Variants in SETBP1 observed in about 807,000 individuals in gnomAD.
SETBP1 encodes SET-binding protein.
In SETBP1, 9 loss-of-function variants were observed where a neutral mutation model predicts 101.0. The ratio of observed to expected loss-of-function variants is 0.09; its 90% CI spans 0.05 to 0.16. The LOEUF is 0.16. Among genes scored for constraint, SETBP1 ranks in the 10% least tolerant of loss-of-function variants. The pLI, the probability that SETBP1 is intolerant of heterozygous loss-of-function variation, is 1.00. For synonymous variants in SETBP1, 818 were observed against 788.5 expected (o/e 1.04, Z -0.63); for missense variants, 1,858 against 2,033.8 (o/e 0.91, Z 1.66).
intron 2 of SETBP1, among the ~76,000 whole-genome samples, chr18:44,802,385 G>A (rs942506608): frequency 6.6e-6 from 1 of 152,146 alleles, no homozygotes; most frequent in South Asian, 2.1e-4. Context: ...TCAAGGCACA[G>A]GATTGGGGAC....
At chr18:45,035,396 C>T (rs976500693) in intron 4 of SETBP1, among the ~76,000 whole-genome samples, 3 of 152,064 alleles carry the variant, frequency 2.0e-5, no homozygotes, top group African/African-American at 7.2e-5. Context: ...CTAATAGTGA[C>T]CATCTAAATT....
At chr18:44,775,503 T>C (rs1018095018) in intron 2 of SETBP1, among the ~76,000 whole-genome samples, 2 of 152,202 alleles carry the variant, frequency 1.3e-5, no homozygotes, top group African/African-American at 4.8e-5. Context: ...TTTTTCTTTT[T>C]CTTTTTCCCT....
At chr18:44,821,531 C>T (rs2072114145) in intron 2 of SETBP1, among the ~76,000 whole-genome samples, 1 of 152,198 alleles carries the variant, frequency 6.6e-6, no homozygotes, top group Non-Finnish European at 1.5e-5. Flanking sequence ...ATGGCTGGAC[C>T]CATGCCTCTT....
At chr18:44,753,475 T>C (rs1348859864) in intron 2 of SETBP1, among the ~76,000 whole-genome samples, 1 of 152,258 alleles carries the variant, frequency 6.6e-6, no homozygotes, top group Non-Finnish European at 1.5e-5. Context: ...TTTGACAGAC[T>C]TGTGTATTAG....
chr18:45,042,859 G>T (rs2073536964), intron 5 of SETBP1, among the ~76,000 whole-genome samples: 1 of 152,144 alleles, frequency 6.6e-6, no homozygotes, highest in Admixed American at 6.5e-5. Context: ...GCTGCCGGAG[G>T]TGCTCAAACA....
intron 4 of SETBP1, among the ~76,000 whole-genome samples, chr18:45,010,365 A>T (rs1271894368): frequency 6.6e-6 from 1 of 152,204 alleles, no homozygotes; most frequent in Non-Finnish European, 1.5e-5. Context: ...GGAAATTCCT[A>T]AAAGCTGATA....
chr18:45,043,419 T>C (rs2073550422), intron 5 of SETBP1, among the ~76,000 whole-genome samples: 1 of 149,098 alleles, frequency 6.7e-6, no homozygotes, highest in African/African-American at 2.5e-5. Flanking sequence ...ACCAACATTC[T>C]CTCATCTTAA....
At chr18:44,839,760 A>C (rs1380199233) in intron 2 of SETBP1, among the ~76,000 whole-genome samples, 1 of 152,218 alleles carries the variant, frequency 6.6e-6, no homozygotes, top group Non-Finnish European at 1.5e-5. Context: ...TATGGGTTTT[A>C]AGGGTACCTG....
At chr18:44,749,551 A>G (rs1244080187) in intron 2 of SETBP1, among the ~76,000 whole-genome samples, 1 of 152,194 alleles carries the variant, frequency 6.6e-6, no homozygotes, top group Non-Finnish European at 1.5e-5. Flanking sequence ...GCAAGAAAGT[A>G]TGAAGGACTG....
intron 2 of SETBP1, among the ~76,000 whole-genome samples, chr18:44,823,723 G>C (rs187727399): frequency 1.6e-4 from 25 of 152,192 alleles, no homozygotes; most frequent in Non-Finnish European, 3.2e-4. Flanking sequence ...AAGTGGCAAA[G>C]CAGTAGAAAG....
At chr18:44,814,937 C>T (rs1262149148) in intron 2 of SETBP1, among the ~76,000 whole-genome samples, 1 of 152,190 alleles carries the variant, frequency 6.6e-6, no homozygotes, top group Non-Finnish European at 1.5e-5. Context: ...TTTAGCTGTA[C>T]TTGGTGTCAA....
At chr18:44,686,157 C>T (rs1224153403) in intron 1 of SETBP1, among the ~76,000 whole-genome samples, 2 of 152,260 alleles carry the variant, frequency 1.3e-5, no homozygotes, top group African/African-American at 4.8e-5. Context: ...AGTAAGTTCT[C>T]CAGAATCAGG....
intron 4 of SETBP1, among the ~76,000 whole-genome samples, chr18:44,958,415 T>C (rs541748744): frequency 6.6e-6 from 1 of 152,318 alleles, no homozygotes; most frequent in South Asian, 2.1e-4. Context: ...ACATAGTCAC[T>C]ATCTGAGACA....
chr18:44,878,455 G>A (rs966997158), intron 3 of SETBP1, among the ~76,000 whole-genome samples: 3 of 151,686 alleles, frequency 2.0e-5, no homozygotes, highest in South Asian at 2.1e-4. Context: ...TATCTCTAAT[G>A]TCTGTGTTTA....
intron 3 of SETBP1, among the ~76,000 whole-genome samples, chr18:44,895,303 G>C (rs1483486205): frequency 9.1e-6 from 1 of 109,770 alleles, no homozygotes; most frequent in African/African-American, 3.6e-5. Context: ...GGGAGGAAGG[G>C]GGGAGAGAGG....
chr18:44,738,289 T>G (rs953991130), intron 2 of SETBP1, among the ~76,000 whole-genome samples: 1 of 152,206 alleles, frequency 6.6e-6, no homozygotes, highest in Non-Finnish European at 1.5e-5. Context: ...TTGACATCTC[T>G]TTCCACTTAC....
chr18:44,939,445 T>C (rs1040965697), intron 3 of SETBP1, among the ~76,000 whole-genome samples: 3 of 152,232 alleles, frequency 2.0e-5, no homozygotes, highest in Admixed American at 2.0e-4. Flanking sequence ...GTTCCTTTTA[T>C]AGATGAGTTT....
At chr18:44,700,629 A>G (rs2069099539) in intron 1 of SETBP1, among the ~76,000 whole-genome samples, 1 of 152,320 alleles carries the variant, frequency 6.6e-6, no homozygotes, top group South Asian at 2.1e-4. Flanking sequence ...GAAATAATGC[A>G]TAGTGAAAAA....
chr18:44,786,986 GC>G (rs2144707986), intron 2 of SETBP1, among the ~76,000 whole-genome samples: 1 of 152,326 alleles, frequency 6.6e-6, no homozygotes, highest in East Asian at 1.9e-4. Flanking sequence ...GACGAAAGAT[GC>G]TTTGGGTATC....
Sources: allele counts gnomAD v4.1 joint callset (sites outside exome capture counted in the v4.1 genomes callset), GRCh38; gene constraint gnomAD v4.1.1; transcripts MANE v1.5; gene names NCBI Gene and HGNC (gene_info 2026-07-23, HGNC 2026-07-21).